The following TOE1 variants were observed in gnomAD, a reference collection of about 807,000 sequenced individuals.
The protein encoded by TOE1 is target of EGR1, exonuclease.
TOE1 carries 50 observed loss-of-function variants against 49.2 expected under a neutral mutation model. The ratio of observed to expected loss-of-function variants is 1.02; its 90% CI spans 0.81 to 1.29. The LOEUF (loss-of-function observed/expected upper bound fraction) is 1.29, where lower values mean the gene tolerates loss of function less well. Among genes scored for constraint, TOE1 ranks in the 50% most tolerant of loss-of-function variants. The pLI is 0.00. For missense variants in TOE1, 544 were observed against 654.4 expected (o/e 0.83, Z 1.84); for synonymous variants, 221 against 247.0 (o/e 0.89, Z 0.99).
In TOE1 at chr1:45,341,299, A is replaced by C; in HGVS notation, c.196-4A>C. 1 of 1,614,144 alleles carries C rather than the reference A, an allele frequency of 6.2e-7. No homozygotes were observed. Among genetic ancestry groups the C allele is most frequent in the Non-Finnish European group, 8.5e-7 (1 of 1,180,000 alleles). ...GTCACAACTCTCCCTTTACCTACCCACAGGAGCTGAGTGGGCTTGGGGACA... is the reference window on the plus strand; with the variant it reads ...GTCACAACTCTCCCTTTACCTACCCCCAGGAGCTGAGTGGGCTTGGGGACA... On this transcript the variant is annotated splice_polypyrimidine_tract_variant and splice_region_variant and intron_variant, in intron 2 of 7. Coordinates refer to ENST00000372090, the MANE Select transcript of TOE1 (RefSeq NM_025077.4).
chr1:45,343,697 A>AGC lies in TOE1; in HGVS notation c.1529_1530dup (p.Ter511AlafsTer21), dbSNP rs1187081325. The AGC allele has an allele frequency of 6.2e-7, 1 of 1,604,766 alleles. No individual in the cohort carries two copies. Among genetic ancestry groups the AGC allele is most frequent in the South Asian group, 1.1e-5 (1 of 90,830 alleles). On this transcript the variant is annotated frameshift_variant, in exon 8 of 8. Transcript: ENST00000372090. LOFTEE classifies it high-confidence loss of function. This position sits in a 1 kb window ranked among gnomAD's most constrained non-coding sequence, Gnocchi z 4.3. ...GAAGATGAAGCTCACTTGGGGCAGT[A>AGC]GCTGATGCAACTTCCACCTTGCTCT...
chr1:45,341,816 G>C, intron 4 of TOE1, 133 bp from the exon 5 acceptor site: 2 of 991,014 alleles, frequency 2.0e-6, no homozygotes, highest in Non-Finnish European at 3.0e-6. Context: ...CCAATGCGTA[G>C]TCTTTTATCC....
rs1370276650 is a variant in TOE1 at position 45,340,798 on chromosome 1, G to A, written c.53-275G>A. 2.0e-5 allele frequency among the ~76,000 whole-genome samples: 3 copies of A among 152,194 alleles called. No individual in the cohort carries two copies. In the South Asian group the frequency reaches 6.2e-4, roughly 31 times the overall value. On this transcript the variant is annotated intron_variant, in intron 1 of 7. Transcript: ENST00000372090. ...GGAAAAAAGAATCAAAGGTCGTCTA[G>A]TCCAACTTTCTCCTCTACAGATTGT...
Position 45,340,261 on chromosome 1 carries a change from C to T in TOE1, c.9C>T (p.Ala3=). The stretch of plus-strand genomic sequence containing the variant: ...GGGAGACGAGCGGTGTCATGGCCGC[C>T]GACAGTGACGATGGCGCAGTTTCAG... MA[A]DSDDGAVSAP... Residue 3 remains alanine, a synonymous_variant, in exon 1 of 8, where the codon GCC becomes GCT. Transcript: ENST00000372090. The T allele has an allele frequency of 6.2e-7, 1 of 1,613,792 alleles. No individual in the cohort carries two copies. Among genetic ancestry groups the T allele is most frequent in the Non-Finnish European group, 8.5e-7 (1 of 1,180,010 alleles).
chr1:45,340,419 G>T, intron 1 of TOE1, 115 bp downstream of exon 1: 1 of 1,531,148 alleles, frequency 6.5e-7, no homozygotes, highest in Admixed American at 2.0e-5. Flanking sequence ...CCTTCCGCCT[G>T]AACTAGCCAC....
chr1:45,341,475 G>A lies in TOE1; in HGVS notation c.239G>A (p.Cys80Tyr). ...CAACCCCCATACCCAACCCCAAGGT[G>A]CATTGAGGAACGTTACAAGGCCGTG... ...LGDRKSLLNQ[C>Y]IEERYKAVCH... The change falls in exon 4 of 8, where the codon TGC (cysteine) becomes TAC (tyrosine). Residue 80 changes from cysteine (C) to tyrosine (Y), a missense_variant and splice_region_variant. Physicochemically the swap from Cys to Tyr is radical, Grantham distance 194. Coordinates refer to ENST00000372090, the MANE Select transcript of TOE1 (RefSeq NM_025077.4). 6.2e-7 allele frequency: 1 copy of A among 1,614,054 alleles called. No individual in the cohort carries two copies. The highest frequency in any genetic ancestry group is 8.5e-7 in the Non-Finnish European group (1 of 1,180,000).
chr1:45,341,610 G>A (rs1646984054), intron 4 of TOE1, 41 bp downstream of exon 4: 2 of 1,572,922 alleles, frequency 1.3e-6, no homozygotes, highest in African/African-American at 1.4e-5. Context: ...GTGGCTGTGG[G>A]GTGGAGGGTA....
Position 45,342,113 on chromosome 1 carries a change from C to T in TOE1, c.492+6C>T. The T allele has an allele frequency of 6.2e-7, 1 of 1,613,334 alleles. No homozygotes were observed. The highest frequency in any genetic ancestry group is 2.2e-5 in the East Asian group (1 of 44,868). On this transcript the variant is annotated splice_donor_region_variant and intron_variant, in intron 5 of 7. Transcript: ENST00000372090. ...ACCATAAGGGCAATGACAAGGTAGG[C>T]CTCTAGCCTCCCTAGCCTTGAGTCT...
rs2149260502 is a variant in TOE1, at chr1:45,342,986, T to C, written c.896T>C (p.Ile299Thr). ...ACCCACCGTCCTCATCCCACCAGCA[T>C]CTGTGACAACTTCTCGGTGAGAGCA... ...PATHRPHPTS[I>T]CDNFSAYGWC... Residue 299 changes from isoleucine to threonine, a missense_variant, in exon 7 of 8, where the codon ATC (isoleucine) becomes ACC (threonine). By Grantham distance (89) the Ile-to-Thr change is moderately conservative (BLOSUM62 -1). Coordinates refer to ENST00000372090, the MANE Select transcript of TOE1 (RefSeq NM_025077.4). 1.2e-6 allele frequency: 2 copies of C among 1,613,538 alleles called. No homozygotes were observed. Among genetic ancestry groups the C allele is most frequent in the South Asian group, 2.2e-5 (2 of 91,042 alleles).
chr1:45,342,411 C>G lies in TOE1; in HGVS notation c.520C>G (p.Arg174Gly), dbSNP rs145986883. ...TGATGAGAGCCAGAGCCAGTCAGTA[C>G]GGACCCTATTCCTGGAGCTAATCCG... is the stretch of plus-strand genomic sequence containing the variant. Reference protein sequence around the residue: ...KGDESQSQSVRTLFLELIRAR... With the variant: ...KGDESQSQSVGTLFLELIRAR... Residue 174 changes from arginine to glycine, a missense_variant, in exon 6 of 8, where the codon CGG becomes GGG. Arg to Gly is a moderately radical substitution (Grantham distance 125). Transcript: ENST00000372090. The G allele has an allele frequency of 6.2e-7, 1 of 1,613,950 alleles. No homozygotes were observed. The highest frequency in any genetic ancestry group is 1.3e-5 in the African/African-American group (1 of 74,882).
chr1:45,340,335 G>T (rs373902321), intron 1 of TOE1, 31 bp downstream of exon 1: 121 of 1,601,490 alleles, frequency 7.6e-5, no homozygotes, highest in Non-Finnish European at 1.0e-4. Flanking sequence ...AGCCTTCAAA[G>T]CCTCTGCGCT....
chr1:45,343,409 A>G lies in TOE1; in HGVS notation c.1240A>G (p.Ile414Val). Residue 414 changes from isoleucine to valine, a missense_variant, in exon 8 of 8, where the codon ATA (isoleucine) becomes GTA (valine). Ile to Val is a conservative substitution (Grantham distance 29). Transcript: ENST00000372090. The surrounding 1 kb of genome is among the most constrained non-coding windows in gnomAD (Gnocchi z 4.3). ...GGGGATTAAGGCAGCAAGGCCTGAA[A>G]TAGCTGATAGAGCTACCTCAGAAGT... is the stretch of plus-strand genomic sequence containing the variant. Reference protein sequence around the residue: ...EMGIKAARPEIADRATSEVPG... With the variant: ...EMGIKAARPEVADRATSEVPG... 1.2e-6 allele frequency: 2 copies of G among 1,614,142 alleles called. No homozygotes were observed. Among genetic ancestry groups the G allele is most frequent in the African/African-American group, 1.3e-5 (1 of 75,044 alleles).
At position 45,342,482 on chromosome 1, in the gene TOE1, G is replaced by T; in HGVS notation, c.591G>T (p.Val197=). 1 of 1,614,166 alleles carries T rather than the reference G, an allele frequency of 6.2e-7. No homozygotes were observed. The highest frequency in any genetic ancestry group is 8.5e-7 in the Non-Finnish European group (1 of 1,180,020). The part of the protein sequence containing the change: ...LVLHNGLIDL[V]FLYQNFYAHL... ...TACACAATGGCCTTATAGACTTGGT[G>T]TTCCTGTACCAGAACTTCTATGCAC... The change falls in exon 6 of 8, where the codon GTG becomes GTT. Residue 197 remains valine (V), a synonymous_variant. Coordinates refer to ENST00000372090, the MANE Select transcript of TOE1 (RefSeq NM_025077.4).
intron 3 of TOE1, 61 bp downstream of exon 3, chr1:45,341,404 G>T: frequency 6.2e-7 from 1 of 1,614,094 alleles, no homozygotes; most frequent in Non-Finnish European, 8.5e-7. Context: ...GGGGGTCACA[G>T]ACCTGGGTGG....
chr1:45,340,288 T>C lies in TOE1; in HGVS notation c.36T>C (p.Ala12=). The C allele has an allele frequency of 6.2e-7, 1 of 1,613,286 alleles. No homozygotes were observed. Among genetic ancestry groups the C allele is most frequent in the Non-Finnish European group, 8.5e-7 (1 of 1,179,878 alleles). The change falls in exon 1 of 8, where the codon GCT becomes GCC. Residue 12 remains alanine (A), a synonymous_variant. Coordinates refer to ENST00000372090, the MANE Select transcript of TOE1 (RefSeq NM_025077.4). The part of the protein sequence containing the change: ...AADSDDGAVS[A]PAASDGGVSK... ...ACAGTGACGATGGCGCAGTTTCAGCTCCCGCAGCTTCCGACGGTGAGCGGC... is the reference window on the plus strand; with the variant it reads ...ACAGTGACGATGGCGCAGTTTCAGCCCCCGCAGCTTCCGACGGTGAGCGGC...
rs1396128318 is a variant in TOE1, at chr1:45,343,176, G to A, written c.1007G>A (p.Arg336Gln). The A allele has an allele frequency of 8.7e-6, 14 of 1,613,858 alleles. No homozygotes were observed. The highest frequency in any genetic ancestry group is 1.3e-5 in the African/African-American group (1 of 74,946). Reference sequence around the variant, plus strand: ...GATGAGGCTGCGGCAGAGGACAAGCGGCGACGGCGACGACGTAGGGAAAAA... The same window carrying A: ...GATGAGGCTGCGGCAGAGGACAAGCAGCGACGGCGACGACGTAGGGAAAAA... ...DTDEAAAEDK[R>Q]RRRRRREKRK... Residue 336 changes from arginine to glutamine, a missense_variant, in exon 8 of 8, where the codon CGG becomes CAG. Physicochemically the swap from Arg to Gln is conservative, Grantham distance 43. Transcript: ENST00000372090. The surrounding 1 kb of genome is among the most constrained non-coding windows in gnomAD (Gnocchi z 4.3).
rs1455561153 is a variant in TOE1, at chr1:45,343,918, A to G, written c.*216A>G. 2.2e-5 allele frequency: 10 copies of G among 446,112 alleles called. No homozygotes were observed. The highest frequency in any genetic ancestry group is 3.5e-5 in the Non-Finnish European group (9 of 254,694). 27.6% of individuals were successfully genotyped at this position (446,112 alleles called of 1,614,324 possible). ...ACTGACTTTATTTTTAAGTCTGAAA[A>G]TGTCTTGGGAAAGTTTTACAAAAAA... On this transcript the variant is annotated 3_prime_UTR_variant, in exon 8 of 8. Coordinates refer to ENST00000372090, the MANE Select transcript of TOE1 (RefSeq NM_025077.4). This position sits in a 1 kb window ranked among gnomAD's most constrained non-coding sequence, Gnocchi z 4.3.
In TOE1 at chr1:45,343,416, A is replaced by G; in HGVS notation, c.1247A>G (p.Asp416Gly). ...GIKAARPEIA[D>G]RATSEVPGSQ... Reference sequence around the variant, plus strand: ...AAGGCAGCAAGGCCTGAAATAGCTGATAGAGCTACCTCAGAAGTGCCAGGG... The same window carrying G: ...AAGGCAGCAAGGCCTGAAATAGCTGGTAGAGCTACCTCAGAAGTGCCAGGG... Residue 416 changes from aspartate to glycine, a missense_variant, in exon 8 of 8, where the codon GAT becomes GGT. By Grantham distance (94) the Asp-to-Gly change is moderately conservative. Transcript: ENST00000372090. This position sits in a 1 kb window ranked among gnomAD's most constrained non-coding sequence, Gnocchi z 4.3. 3 of 1,614,154 alleles carry G rather than the reference A, an allele frequency of 1.9e-6. No homozygotes were observed. Among genetic ancestry groups the G allele is most frequent in the Non-Finnish European group, 2.5e-6 (3 of 1,180,032 alleles).
rs776529860 is a variant in TOE1 at position 45,341,061 on chromosome 1, C to T, written c.53-12C>T. The T allele has an allele frequency of 5.0e-6, 8 of 1,614,174 alleles. No homozygotes were observed. The Admixed American group carries it at 8.3e-5, about 17-fold the overall frequency. ...CTTAAGCATGAACATCCATCACCCT[C>T]CTAACCCCCAGGTGGTGTCAGCAAA... On this transcript the variant is annotated splice_polypyrimidine_tract_variant and intron_variant, in intron 1 of 7. Coordinates refer to ENST00000372090, the MANE Select transcript of TOE1 (RefSeq NM_025077.4).
Sources: allele counts gnomAD v4.1 joint callset (sites outside exome capture counted in the v4.1 genomes callset), GRCh38; gene constraint gnomAD v4.1.1; non-coding constraint Gnocchi (gnomAD v3.1); transcripts MANE v1.5; gene names NCBI Gene and HGNC (gene_info 2026-07-23, HGNC 2026-07-21).